TBC1D12: variants seen among roughly 807,000 people sequenced by gnomAD.
The protein encoded by TBC1D12 is TBC1 domain family member 12.
TBC1D12 carries 56 observed loss-of-function variants against 86.7 expected under a neutral mutation model. That is an observed-to-expected ratio of 0.65 (90% CI 0.52 to 0.81). The LOEUF (loss-of-function observed/expected upper bound fraction) is 0.81, where lower values mean the gene tolerates loss of function less well. Ranked by LOEUF, TBC1D12 falls within the 30% of genes least tolerant of loss-of-function variation. The probability of loss-of-function intolerance (pLI) is 0.00; values close to 1 mark genes in which losing one functional copy is unlikely to be tolerated. For synonymous variants in TBC1D12, 421 were observed against 411.7 expected, an observed-to-expected ratio of 1.02 and a Z score of -0.27; for missense variants, 1,023 against 1,038.8, an observed-to-expected ratio of 0.98 and a Z score of 0.21.
chr10:94,523,419 G>A (rs1332711586), intron 11 of TBC1D12, among the ~76,000 whole-genome samples: 2 of 152,044 alleles, frequency 1.3e-5, no homozygotes, highest in African/African-American at 4.8e-5. Flanking sequence ...GCTTATGATA[G>A]TTATAATAGT....
chr10:94,486,596 T>C (rs1014111015), intron 3 of TBC1D12, among the ~76,000 whole-genome samples: 2 of 152,220 alleles, frequency 1.3e-5, no homozygotes, highest in African/African-American at 4.8e-5. Context: ...AATTTGCATG[T>C]GTTTGTATAG....
At chr10:94,496,229 G>C (rs1399270065) in intron 4 of TBC1D12, among the ~76,000 whole-genome samples, 1 of 151,952 alleles carries the variant, frequency 6.6e-6, no homozygotes, top group African/African-American at 2.4e-5. Flanking sequence ...CATCCTCACT[G>C]GTTCTAAAAT....
rs115320713 is a variant in TBC1D12 at position 94,509,651 on chromosome 10, A to T, written c.1601-440A>T. The T allele has an allele frequency of 7.3e-3, 1,164 of 158,822 alleles. 15 individuals are homozygous for T. Among genetic ancestry groups the T allele is most frequent in the African/African-American group, 0.027 (1,111 of 41,598 alleles). The allele number at this position is 158,822 out of a possible 1,614,324, so 9.8% of individuals were successfully genotyped here. A position where few individuals can be genotyped will look rare whatever the true frequency, so the allele number is the denominator to read the frequency against. On this transcript the variant is annotated intron_variant, in intron 7 of 12. Coordinates refer to ENST00000225235, the MANE Select transcript of TBC1D12 (RefSeq NM_015188.2). ...TTTGTCTTCGGCGAGCTCGATCCTA[A>T]GCCCATACCTAGACCTGGCAGATAC...
chr10:94,493,151 TAC>T (rs10532128), intron 3 of TBC1D12, among the ~76,000 whole-genome samples: 59,741 of 149,816 alleles, frequency 0.4, 12,123 homozygotes, highest in East Asian at 0.75. Context: ...GACATAGAAC[TAC>T]ACACACACAC....
At chr10:94,456,023 T>C (rs1421188008) in intron 2 of TBC1D12, among the ~76,000 whole-genome samples, 1 of 152,236 alleles carries the variant, frequency 6.6e-6, no homozygotes, top group Non-Finnish European at 1.5e-5. Flanking sequence ...TGTAGTGATG[T>C]CTCTACTTTC....
At chr10:94,455,312 G>A (rs1236062290) in intron 2 of TBC1D12, among the ~76,000 whole-genome samples, 1 of 151,742 alleles carries the variant, frequency 6.6e-6, no homozygotes, top group African/African-American at 2.4e-5. Flanking sequence ...AGGAATTTTT[G>A]CATTTATGTT....
intron 11 of TBC1D12, among the ~76,000 whole-genome samples, chr10:94,526,486 C>T (rs529372719): frequency 8.0e-4 from 121 of 151,622 alleles, no homozygotes; most frequent in Non-Finnish European, 1.3e-3. Context: ...TTAGCTTCTG[C>T]ATATGAATGA....
At chr10:94,503,531 A>G (rs943101680) in intron 6 of TBC1D12, among the ~76,000 whole-genome samples, 23 of 152,220 alleles carry the variant, frequency 1.5e-4, no homozygotes, top group African/African-American at 5.1e-4. Flanking sequence ...CTGAAAAGCA[A>G]TGCCAACTTT....
intron 1 of TBC1D12, among the ~76,000 whole-genome samples, chr10:94,423,976 C>A (rs2055113850): frequency 6.6e-6 from 1 of 152,122 alleles, no homozygotes; most frequent in Non-Finnish European, 1.5e-5. Flanking sequence ...CTGTACTGAA[C>A]ATGAACAGAC....
intron 3 of TBC1D12, among the ~76,000 whole-genome samples, chr10:94,489,115 C>G (rs1393081725): frequency 6.6e-6 from 1 of 152,150 alleles, no homozygotes; most frequent in Non-Finnish European, 1.5e-5. Context: ...GACTGTCTTT[C>G]AAGTTCACTT....
chr10:94,521,055 G>A (rs1040029025), intron 9 of TBC1D12, among the ~76,000 whole-genome samples: 1 of 151,330 alleles, frequency 6.6e-6, no homozygotes, highest in Admixed American at 6.6e-5. Context: ...TTAAACAAAT[G>A]TATGGGCTGG....
chr10:94,444,609 G>T (rs1444089226), intron 2 of TBC1D12, among the ~76,000 whole-genome samples: 2 of 151,908 alleles, frequency 1.3e-5, no homozygotes, highest in Non-Finnish European at 2.9e-5. Flanking sequence ...ATAAACTAAT[G>T]TTCTATGATA....
At chr10:94,493,592 C>A in intron 4 of TBC1D12, 145 bp downstream of exon 4, 1 of 688,310 alleles carries the variant, frequency 1.5e-6, no homozygotes, top group Non-Finnish European at 2.4e-6. Context: ...TGCTCTGTTG[C>A]CCAGCCTGGT....
intron 1 of TBC1D12, among the ~76,000 whole-genome samples, chr10:94,427,918 G>A (rs1487149377): frequency 6.8e-6 from 1 of 147,050 alleles, no homozygotes; most frequent in African/African-American, 2.5e-5. Flanking sequence ...TTTACCATAA[G>A]AAATAAGACA....
intron 1 of TBC1D12, among the ~76,000 whole-genome samples, chr10:94,441,119 A>G (rs1036988025): frequency 1.3e-5 from 2 of 150,268 alleles, no homozygotes; most frequent in African/African-American, 2.4e-5. Context: ...AAGTGCTGGG[A>G]TTACAGGTGT....
chr10:94,486,681 AT>A (rs964075134), intron 3 of TBC1D12, among the ~76,000 whole-genome samples: 3 of 151,794 alleles, frequency 2.0e-5, no homozygotes, highest in Non-Finnish European at 4.4e-5. Flanking sequence ...ATATTATCTC[AT>A]TTTTTTGAAT....
rs2055386127 is a variant in TBC1D12 at position 94,441,837 on chromosome 10, CT to C, written c.972-58del. ...TGGGAACAAACTTATTATAAAATTA[CT>C]GTTAAATAGCTCTCTGGTTACAAAA... On this transcript the variant is annotated intron_variant, in intron 1 of 12. Transcript: ENST00000225235. 1.9e-6 allele frequency: 3 copies of C among 1,545,582 alleles called. No individual in the cohort carries two copies. The South Asian group carries it at 3.6e-5, about 19-fold the overall frequency.
intron 8 of TBC1D12, among the ~76,000 whole-genome samples, chr10:94,510,829 T>C (rs1013072923): frequency 6.6e-6 from 1 of 152,144 alleles, no homozygotes; most frequent in Non-Finnish European, 1.5e-5. Context: ...TCTTTATACA[T>C]GGAATTCTTC....
chr10:94,409,229 T>C (rs1171365016), intron 1 of TBC1D12, among the ~76,000 whole-genome samples: 2 of 152,156 alleles, frequency 1.3e-5, no homozygotes, highest in African/African-American at 2.4e-5. Flanking sequence ...ACTTAGGAAT[T>C]TGTGGCTTTC....
Sources: allele counts gnomAD v4.1 joint callset (sites outside exome capture counted in the v4.1 genomes callset), GRCh38; gene constraint gnomAD v4.1.1; transcripts MANE v1.5; gene names NCBI Gene and HGNC (gene_info 2026-07-23, HGNC 2026-07-21).